Variants in SETBP1 observed in about 807,000 individuals in gnomAD.
The protein encoded by SETBP1 is SET-binding protein.
SETBP1 carries 9 observed loss-of-function variants against 101.0 expected under a neutral mutation model. The ratio of observed to expected loss-of-function variants is 0.09; its 90% confidence interval spans 0.05 to 0.16. The LOEUF (loss-of-function observed/expected upper bound fraction) is 0.16. Ranked by LOEUF, SETBP1 falls within the 10% of genes least tolerant of loss-of-function variation. The pLI, the probability that SETBP1 is intolerant of heterozygous loss-of-function variation, is 1.00. For synonymous variants in SETBP1, 818 were observed against 788.5 expected, an observed-to-expected ratio of 1.04 and a Z score of -0.63; for missense variants, 1,858 against 2,033.8, an observed-to-expected ratio of 0.91 and a Z score of 1.66.
intron 4 of SETBP1, among the ~76,000 whole-genome samples, chr18:44,978,392 C>T (rs1385937405): frequency 6.6e-6 from 1 of 152,170 alleles, no homozygotes; most frequent in African/African-American, 2.4e-5. Flanking sequence ...TAACATTTTA[C>T]ATGATATCTT....
intron 3 of SETBP1, among the ~76,000 whole-genome samples, chr18:44,917,964 C>T (rs576115137): frequency 6.6e-6 from 1 of 152,304 alleles, no homozygotes; most frequent in South Asian, 2.1e-4. Context: ...AGAAAAGCCT[C>T]CTAGTGCTCA....
chr18:44,954,329 T>TAAAAAAAAAAAAAAAAAAAA (rs5824565), intron 4 of SETBP1, among the ~76,000 whole-genome samples: 1 of 71,608 alleles, frequency 1.4e-5, no homozygotes, highest in Non-Finnish European at 2.7e-5. Context: ...TTGCAGAAGC[T>TAAAAAAAAAAAAAAAAAAAA]AAAAAAAAAA....
Position 44,680,935 on chromosome 18 carries a change from T to C in SETBP1, c.-259T>C, listed in dbSNP as rs1213872897. ...CTAGAGAGCTACATTGTAACCTAGT[T>C]GGATTTTTTTGGGGGGGGAATGTAT... On this transcript the variant is annotated 5_prime_UTR_variant, in exon 1 of 6. Transcript: ENST00000649279. The C allele has an allele frequency of 1.3e-5, 2 of 151,932 alleles. No individual in the cohort carries two copies. Among genetic ancestry groups the C allele is most frequent in the Non-Finnish European group, 2.9e-5 (2 of 67,990 alleles). 9.4% of individuals were successfully genotyped at this position (151,932 alleles called of 1,614,324 possible). A position where few individuals can be genotyped will look rare whatever the true frequency, so the allele number is the denominator to read the frequency against.
At chr18:44,983,671 A>C (rs946631026) in intron 4 of SETBP1, among the ~76,000 whole-genome samples, 5 of 152,070 alleles carry the variant, frequency 3.3e-5, no homozygotes, top group African/African-American at 4.8e-5. Flanking sequence ...ATGCCAGCTG[A>C]GTGCTTTCTT....
At chr18:45,008,531 G>T (rs1317500764) in intron 4 of SETBP1, among the ~76,000 whole-genome samples, 1 of 152,182 alleles carries the variant, frequency 6.6e-6, no homozygotes, top group Non-Finnish European at 1.5e-5. Context: ...AGTTTGCAGA[G>T]ATGGAAAGAA....
At chr18:45,042,097 TA>T (rs550514437) in intron 5 of SETBP1, among the ~76,000 whole-genome samples, 509 of 151,880 alleles carry the variant, frequency 3.4e-3, no homozygotes, top group Non-Finnish European at 4.6e-3. Flanking sequence ...TTTACAGCAT[TA>T]AATATGGTGA....
At chr18:44,942,564 A>C (rs1320694317) in intron 3 of SETBP1, among the ~76,000 whole-genome samples, 1 of 152,174 alleles carries the variant, frequency 6.6e-6, no homozygotes, top group East Asian at 1.9e-4. Flanking sequence ...AGATTTAGAA[A>C]GTACCCCCAG....
At chr18:45,045,486 C>G (rs2073593744) in intron 5 of SETBP1, among the ~76,000 whole-genome samples, 1 of 151,152 alleles carries the variant, frequency 6.6e-6, no homozygotes, top group African/African-American at 2.5e-5. Flanking sequence ...GGACAGCAAG[C>G]CGAACAAGGG....
intron 2 of SETBP1, among the ~76,000 whole-genome samples, chr18:44,840,909 A>G (rs2144523279): frequency 6.6e-6 from 1 of 152,342 alleles, no homozygotes; most frequent in East Asian, 1.9e-4. Context: ...ATAGCTTCTA[A>G]GTGATTCTAA....
chr18:44,744,986 G>A (rs2070203168), intron 2 of SETBP1, among the ~76,000 whole-genome samples: 1 of 152,080 alleles, frequency 6.6e-6, no homozygotes, highest in East Asian at 1.9e-4. Context: ...TCTGGGGCTG[G>A]CGGGCAGGCT....
Position 45,063,490 on chromosome 18 carries a change from C to T in SETBP1, c.4583C>T (p.Pro1528Leu). 1 of 1,434,306 alleles carries T rather than the reference C, an allele frequency of 7.0e-7. No individual in the cohort carries two copies. Among genetic ancestry groups the T allele is most frequent in the Non-Finnish European group, 9.1e-7 (1 of 1,096,074 alleles). The allele number at this position is 1,434,306 out of a possible 1,614,324, so 88.8% of individuals were successfully genotyped here. A position where few individuals can be genotyped will look rare whatever the true frequency, so the allele number is the denominator to read the frequency against. The change falls in exon 6 of 6, where the codon CCG (proline) becomes CTG (leucine). Residue 1528 changes from proline (P) to leucine (L), a missense_variant. Pro to Leu is a moderately conservative substitution (Grantham distance 98). This residue lies in a region of SETBP1 where 178 missense variants were observed against 189.1 expected (regional missense o/e 0.94). Coordinates refer to ENST00000649279, the MANE Select transcript of SETBP1 (RefSeq NM_015559.3). Reference protein sequence around the residue: ...EAPPLPPPPPPPLPPPPPPPL... With the variant: ...EAPPLPPPPPLPLPPPPPPPL... The stretch of plus-strand genomic sequence containing the variant: ...CCGCCCCTGCCCCCGCCACCGCCGC[C>T]GCCCCTGCCGCCACCGCCGCCACCA...
At chr18:45,024,153 A>G (rs1281992340) in intron 4 of SETBP1, among the ~76,000 whole-genome samples, 1 of 152,184 alleles carries the variant, frequency 6.6e-6, no homozygotes, top group Non-Finnish European at 1.5e-5. Flanking sequence ...TAAAACAAAG[A>G]CTAAACAATT....
intron 4 of SETBP1, among the ~76,000 whole-genome samples, chr18:45,003,400 C>A (rs995965700): frequency 6.6e-6 from 1 of 152,150 alleles, no homozygotes; most frequent in Non-Finnish European, 1.5e-5. Context: ...TCTTCCATTA[C>A]AAGTAATGTA....
intron 4 of SETBP1, among the ~76,000 whole-genome samples, chr18:44,980,931 G>A (rs1490435515): frequency 1.3e-5 from 2 of 152,054 alleles, no homozygotes; most frequent in Admixed American, 6.6e-5. Flanking sequence ...CTTCTGCCTG[G>A]GCCTCAGTTT....
chr18:44,849,064 A>C (rs1252815368), intron 2 of SETBP1, among the ~76,000 whole-genome samples: 1 of 152,202 alleles, frequency 6.6e-6, no homozygotes, highest in Non-Finnish European at 1.5e-5. Flanking sequence ...CTAATACCAT[A>C]GCCTTGTAAA....
At chr18:44,815,792 G>C (rs2071962627) in intron 2 of SETBP1, among the ~76,000 whole-genome samples, 1 of 152,174 alleles carries the variant, frequency 6.6e-6, no homozygotes, top group Non-Finnish European at 1.5e-5. Context: ...CTGAGACTCA[G>C]ACAGGCAAAA....
At chr18:44,999,840 G>A (rs1219479850) in intron 4 of SETBP1, among the ~76,000 whole-genome samples, 2 of 152,174 alleles carry the variant, frequency 1.3e-5, no homozygotes, top group Non-Finnish European at 2.9e-5. Context: ...AAACTAATAA[G>A]ATAATAGTTA....
intron 4 of SETBP1, among the ~76,000 whole-genome samples, chr18:45,022,195 A>G (rs931525219): frequency 1.3e-5 from 2 of 152,092 alleles, no homozygotes; most frequent in Admixed American, 6.5e-5. Context: ...CATATGACCC[A>G]CAGGTGAAAT....
At chr18:44,985,128 C>G (rs1482114759) in intron 4 of SETBP1, among the ~76,000 whole-genome samples, 1 of 152,126 alleles carries the variant, frequency 6.6e-6, no homozygotes, top group Non-Finnish European at 1.5e-5. Flanking sequence ...GCGACAGAGA[C>G]TGTCGCCTTT....
Sources: gnomAD v4.1 joint callset for allele counts (sites outside exome capture counted in the v4.1 genomes callset) on GRCh38, gnomAD v4.1.1 for gene constraint, gnomAD v4.1.1 regional missense constraint, MANE v1.5 for transcripts, NCBI Gene and HGNC (gene_info 2026-07-23, HGNC 2026-07-21) for gene names.